The following ZMYND8 variants were observed in gnomAD, a reference collection of about 807,000 sequenced individuals.
ZMYND8 encodes the protein zinc finger MYND-type containing 8.
In ZMYND8, 37 loss-of-function variants were observed where a neutral mutation model predicts 140.8. The ratio of observed to expected loss-of-function variants is 0.26; its 90% confidence interval spans 0.20 to 0.35. The LOEUF is 0.35. Ranked by LOEUF, ZMYND8 falls within the 10% of genes least tolerant of loss-of-function variation. ZMYND8 has a pLI of 1.00. For missense variants in ZMYND8, 1,068 were observed against 1,570.0 expected, an observed-to-expected ratio of 0.68 and a Z score of 5.40; for synonymous variants, 592 against 597.1, an observed-to-expected ratio of 0.99 and a Z score of 0.12.
intron 12 of ZMYND8, among the ~76,000 whole-genome samples, chr20:47,258,184 G>C (rs971447880): frequency 6.6e-6 from 1 of 152,228 alleles, no homozygotes; most frequent in African/African-American, 2.4e-5. Flanking sequence ...CTTACCCCCT[G>C]ACCCCCAAAA....
chr20:47,245,363 C>T (rs542415730), intron 14 of ZMYND8, among the ~76,000 whole-genome samples: 42 of 152,260 alleles, frequency 2.8e-4, no homozygotes, highest in African/African-American at 7.9e-4. Flanking sequence ...TATCCTGCCT[C>T]CGCCTCACGA....
chr20:47,310,615 G>A (rs566714995), intron 2 of ZMYND8, among the ~76,000 whole-genome samples: 18 of 151,890 alleles, frequency 1.2e-4, no homozygotes, highest in African/African-American at 3.1e-4. Flanking sequence ...GGCCAATACC[G>A]TCTCTACTAA....
At chr20:47,354,005 C>T (rs764031449) in intron 1 of ZMYND8, 10 of 152,206 alleles carry the variant, frequency 6.6e-5, no homozygotes, top group Non-Finnish European at 1.3e-4. Context: ...AGAAGAACCC[C>T]ATTGGGCTGC....
At chr20:47,244,722 AG>A (rs2040349859) in intron 14 of ZMYND8, among the ~76,000 whole-genome samples, 2 of 152,344 alleles carry the variant, frequency 1.3e-5, no homozygotes, top group South Asian at 4.1e-4. Context: ...CAGAAGTGCA[AG>A]GTTGTGAAAC....
chr20:47,335,921 A>G (rs921731572), intron 2 of ZMYND8, among the ~76,000 whole-genome samples: 4 of 152,238 alleles, frequency 2.6e-5, no homozygotes, highest in African/African-American at 9.6e-5. Context: ...GTAGTCATCT[A>G]ACTCACAAAT....
intron 11 of ZMYND8, among the ~76,000 whole-genome samples, chr20:47,266,725 A>G (rs995867800): frequency 2.0e-5 from 3 of 152,170 alleles, no homozygotes; most frequent in East Asian, 1.9e-4. Flanking sequence ...ATGCATCTCA[A>G]CAGGGACCAT....
chr20:47,277,146 GT>G (rs1191839829), intron 10 of ZMYND8, among the ~76,000 whole-genome samples: 3 of 152,164 alleles, frequency 2.0e-5, no homozygotes, highest in Admixed American at 1.3e-4. Context: ...TATTCCTCAG[GT>G]TACACTCAGA....
chr20:47,261,616 G>A (rs1247451833), intron 12 of ZMYND8, among the ~76,000 whole-genome samples: 3 of 151,832 alleles, frequency 2.0e-5, no homozygotes, highest in Non-Finnish European at 4.4e-5. Context: ...AGACCAGAGT[G>A]TAAGAATTAG....
chr20:47,344,755 C>A (rs2082201889), intron 2 of ZMYND8, among the ~76,000 whole-genome samples: 1 of 152,170 alleles, frequency 6.6e-6, no homozygotes, highest in Admixed American at 6.5e-5. Context: ...ACTCTTGGCA[C>A]TATCCTCAAA....
chr20:47,284,646 T>C (rs1422309145), intron 8 of ZMYND8, among the ~76,000 whole-genome samples: 3 of 152,142 alleles, frequency 2.0e-5, no homozygotes, highest in Admixed American at 6.5e-5. Context: ...CTCAATTCTA[T>C]GTCCAGAGTA....
intron 2 of ZMYND8, among the ~76,000 whole-genome samples, chr20:47,325,159 C>T (rs976895445): frequency 6.6e-6 from 1 of 152,188 alleles, no homozygotes; most frequent in African/African-American, 2.4e-5. Flanking sequence ...CCCACCTCGG[C>T]CTCCCAAAGT....
rs540993160 is a variant in ZMYND8 at position 47,282,356 on chromosome 20, G to A, written c.883-139C>T. 253 of 648,616 alleles carry A rather than the reference G, an allele frequency of 3.9e-4. 1 individual carries two copies. In the South Asian group the frequency reaches 4.6e-3, roughly 12 times the overall value. 40.2% of individuals were successfully genotyped at this position (648,616 alleles called of 1,614,324 possible). On this transcript the variant is annotated intron_variant, in intron 9 of 22. Transcript: ENST00000471951. Reference sequence around the variant, plus strand: ...AAAGAGTTTCAAGCAGGGTCGGCCTGTGTGGTATTCCCTAAAAGGTATGTG... The same window carrying A: ...AAAGAGTTTCAAGCAGGGTCGGCCTATGTGGTATTCCCTAAAAGGTATGTG...
intron 11 of ZMYND8, among the ~76,000 whole-genome samples, chr20:47,270,850 G>C (rs891910878): frequency 3.3e-5 from 5 of 152,026 alleles, no homozygotes; most frequent in African/African-American, 1.2e-4. Context: ...GGCAGAGGCG[G>C]GCAGATCACG....
At chr20:47,214,770 T>C (rs1376687931) in intron 21 of ZMYND8, among the ~76,000 whole-genome samples, 1 of 152,132 alleles carries the variant, frequency 6.6e-6, no homozygotes, top group Non-Finnish European at 1.5e-5. Context: ...GTTGGGATTA[T>C]AGGCATGAGC....
In ZMYND8 at chr20:47,291,871, C is replaced by T. The variant is rs1258134175; in HGVS notation, c.585G>A (p.Lys195=). The change falls in exon 6 of 23, where the codon AAG becomes AAA. Residue 195 remains lysine (K), a synonymous_variant. Coordinates refer to ENST00000471951, the MANE Select transcript of ZMYND8 (RefSeq NM_001281775.3). ...MKQPGTDAFQ[K]PVPLEQHPDY... is the part of the protein sequence containing the mutation. ...CAGGGTGCTGTTCCAATGGAACGGGCTTCTGGAATGCATCTGTCTATAAAA... is the reference window on the plus strand; with the variant it reads ...CAGGGTGCTGTTCCAATGGAACGGGTTTCTGGAATGCATCTGTCTATAAAA... 6.2e-7 allele frequency: 1 copy of T among 1,612,544 alleles called. No homozygotes were observed. Among genetic ancestry groups the T allele is most frequent in the Non-Finnish European group, 8.5e-7 (1 of 1,179,310 alleles).
At chr20:47,255,722 G>GTGTATATATA (rs1458176502) in intron 12 of ZMYND8, among the ~76,000 whole-genome samples, 1 of 77,766 alleles carries the variant, frequency 1.3e-5, no homozygotes, top group Non-Finnish European at 2.3e-5. Flanking sequence ...GTGTATGTGT[G>GTGTATATATA]TATATATATA....
At chr20:47,349,008 G>A (rs568787585) in intron 1 of ZMYND8, 13 of 152,260 alleles carry the variant, frequency 8.5e-5, no homozygotes, top group South Asian at 2.1e-4. Flanking sequence ...AAGACTCAAC[G>A]CCAGGACAGG....
At chr20:47,265,949 T>C (rs1428563061) in intron 11 of ZMYND8, among the ~76,000 whole-genome samples, 4 of 150,792 alleles carry the variant, frequency 2.7e-5, no homozygotes, top group African/African-American at 1.0e-4. Flanking sequence ...TGGTTTCCCA[T>C]GGAGATGGGT....
rs2079287785 is a variant in ZMYND8, at chr20:47,315,265, C to T, written c.86-5061G>A. On this transcript the variant is annotated intron_variant, in intron 2 of 22. Coordinates refer to ENST00000471951, the MANE Select transcript of ZMYND8 (RefSeq NM_001281775.3). Reference sequence around the variant, plus strand: ...GGTCCTAGCCCAAGCATGCCCACACCTGAGAGTATTCCAAACCTTCTAGTT... The same window carrying T: ...GGTCCTAGCCCAAGCATGCCCACACTTGAGAGTATTCCAAACCTTCTAGTT... 2.6e-5 allele frequency among the ~76,000 whole-genome samples: 4 copies of T among 152,124 alleles called. No homozygotes were observed. The South Asian group carries it at 8.3e-4, about 32-fold the overall frequency.
Sources: allele counts gnomAD v4.1 joint callset (sites outside exome capture counted in the v4.1 genomes callset), GRCh38; gene constraint gnomAD v4.1.1; transcripts MANE v1.5; gene names NCBI Gene and HGNC (gene_info 2026-07-23, HGNC 2026-07-21).